The following LAPTM4A variants were observed in gnomAD, a reference collection of about 807,000 sequenced individuals.
LAPTM4A encodes lysosomal protein transmembrane 4 alpha, also known as lysosomal-associated transmembrane protein 4A.
A neutral mutation model predicts 29.9 loss-of-function variants in LAPTM4A; 19 were observed. The observed-to-expected ratio is 0.64, with a 90% CI of 0.44 to 0.93. The LOEUF (loss-of-function observed/expected upper bound fraction) is 0.93. LAPTM4A is among the 40% of genes least tolerant of loss of function. The pLI is 0.00. For missense variants in LAPTM4A, 293 were observed against 288.5 expected, an observed-to-expected ratio of 1.02 and a Z score of -0.11; for synonymous variants, 105 against 102.1, an observed-to-expected ratio of 1.03 and a Z score of -0.17.
At chr2:20,034,657 T>C (rs181018706) in intron 5 of LAPTM4A, among the ~76,000 whole-genome samples, 1 of 152,318 alleles carries the variant, frequency 6.6e-6, no homozygotes, top group South Asian at 2.1e-4. Flanking sequence ...CAACCCACTG[T>C]GCTGCAGAAG....
chr2:20,043,962 C>T (rs1673860031), intron 1 of LAPTM4A, among the ~76,000 whole-genome samples: 1 of 152,200 alleles, frequency 6.6e-6, no homozygotes, highest in Admixed American at 6.5e-5. Flanking sequence ...CCAGTAACTC[C>T]TATTTTAAGG....
rs1673590234 is a variant in LAPTM4A, at chr2:20,032,768, C to T, written c.*437G>A. 2 of 158,652 alleles carry T rather than the reference C, an allele frequency of 1.3e-5. No homozygotes were observed. The highest frequency in any genetic ancestry group is 3.7e-4 in the South Asian group (2 of 5,458). 9.8% of individuals were successfully genotyped at this position (158,652 alleles called of 1,614,324 possible). Reference sequence around the variant, plus strand: ...TCACAATGTCAAATATTTTTCTTGCCTCTGCAGATGAAAAGTTCAGATCTT... The same window carrying T: ...TCACAATGTCAAATATTTTTCTTGCTTCTGCAGATGAAAAGTTCAGATCTT... On this transcript the variant is annotated 3_prime_UTR_variant, in exon 7 of 7. Transcript: ENST00000175091.
chr2:20,034,880 T>C, intron 5 of LAPTM4A, 87 bp downstream of exon 5: 2 of 911,056 alleles, frequency 2.2e-6, no homozygotes, highest in Admixed American at 2.0e-5. Flanking sequence ...CTCAATCTCC[T>C]GTGACTTGTA....
chr2:20,033,110 T>C lies in LAPTM4A; in HGVS notation c.*95A>G. On this transcript the variant is annotated 3_prime_UTR_variant, in exon 7 of 7. Coordinates refer to ENST00000175091, the MANE Select transcript of LAPTM4A (RefSeq NM_014713.5). ...CTTAAACAAAAGACAACATATTTTA[T>C]ATCAAACAAGTTTGAAGAGCCCTGA... 1 of 992,410 alleles carries C rather than the reference T, an allele frequency of 1.0e-6. No homozygotes were observed. 61.5% of individuals were successfully genotyped at this position (992,410 alleles called of 1,614,324 possible). A position where few individuals can be genotyped will look rare whatever the true frequency, so the allele number is the denominator to read the frequency against.
intron 1 of LAPTM4A, among the ~76,000 whole-genome samples, chr2:20,046,731 C>T: frequency 7.6e-6 from 1 of 130,952 alleles, no homozygotes; most frequent in South Asian, 2.8e-4. Flanking sequence ...TATTATATAT[C>T]TATATATAAA....
chr2:20,043,885 C>T lies in LAPTM4A; in HGVS notation c.112-2874G>A, dbSNP rs894576516. Among the ~76,000 whole-genome samples, 3 of 152,238 alleles carry T rather than the reference C, an allele frequency of 2.0e-5. No homozygotes were observed. The South Asian group carries it at 6.2e-4, about 31-fold the overall frequency. On this transcript the variant is annotated intron_variant, in intron 1 of 6. Transcript: ENST00000175091. ...TTGCTGAGCTGACAGATGGGAGAAT[C>T]AGGACACAAGTCTGGTTTTTAAGAC...
intron 1 of LAPTM4A, among the ~76,000 whole-genome samples, chr2:20,049,867 G>C (rs1230523844): frequency 6.6e-6 from 1 of 152,162 alleles, no homozygotes; most frequent in Non-Finnish European, 1.5e-5. Context: ...CTCAAGGTTT[G>C]AATTATTCAT....
At chr2:20,046,090 A>G (rs187506376) in intron 1 of LAPTM4A, among the ~76,000 whole-genome samples, 1 of 152,324 alleles carries the variant, frequency 6.6e-6, no homozygotes, top group East Asian at 1.9e-4. Context: ...AACTATTACA[A>G]GGACAGAAAA....
chr2:20,048,132 T>G (rs1673975211), intron 1 of LAPTM4A, among the ~76,000 whole-genome samples: 1 of 152,186 alleles, frequency 6.6e-6, no homozygotes, highest in African/African-American at 2.4e-5. Flanking sequence ...GAGATAAAAT[T>G]ATTACAAATG....
At chr2:20,047,869 G>T (rs1040821674) in intron 1 of LAPTM4A, among the ~76,000 whole-genome samples, 11 of 152,108 alleles carry the variant, frequency 7.2e-5, no homozygotes, top group African/African-American at 2.4e-4. Flanking sequence ...AAAATTTTTA[G>T]AAAGTGACTT....
At chr2:20,039,792 G>A (rs1383964739) in intron 2 of LAPTM4A, among the ~76,000 whole-genome samples, 5 of 152,158 alleles carry the variant, frequency 3.3e-5, no homozygotes, top group East Asian at 1.9e-4. Context: ...GCTGTGGCAC[G>A]CCTGTAATCC....
chr2:20,035,500 C>T (rs1331768281), intron 4 of LAPTM4A, among the ~76,000 whole-genome samples: 3 of 152,160 alleles, frequency 2.0e-5, no homozygotes, highest in Admixed American at 6.5e-5. Context: ...AAATGTCAAT[C>T]GTTTGTCTCA....
At chr2:20,050,091 T>C (rs1674020739) in intron 1 of LAPTM4A, among the ~76,000 whole-genome samples, 1 of 152,174 alleles carries the variant, frequency 6.6e-6, no homozygotes, top group Non-Finnish European at 1.5e-5. Context: ...TATTTCCGAA[T>C]ATAAAAGTAC....
chr2:20,046,771 AAT>A (rs1361968225), intron 1 of LAPTM4A, among the ~76,000 whole-genome samples: 2 of 145,314 alleles, frequency 1.4e-5, no homozygotes, highest in African/African-American at 5.0e-5. Context: ...TATATAATAT[AAT>A]ATATAAATAT....
At chr2:20,047,626 C>T (rs1302526077) in intron 1 of LAPTM4A, among the ~76,000 whole-genome samples, 3 of 146,884 alleles carry the variant, frequency 2.0e-5, no homozygotes, top group Non-Finnish European at 3.0e-5. Context: ...GGAAGCGGAG[C>T]TTGCAGTGAG....
chr2:20,037,142 T>C (rs1673694048), intron 4 of LAPTM4A, among the ~76,000 whole-genome samples, 174 bp downstream of exon 4: 1 of 152,236 alleles, frequency 6.6e-6, no homozygotes, highest in Non-Finnish European at 1.5e-5. Context: ...ATTACTCTAC[T>C]TTCATCTTGC....
chr2:20,039,450 C>A (rs1018191638), intron 2 of LAPTM4A, among the ~76,000 whole-genome samples: 3 of 152,180 alleles, frequency 2.0e-5, no homozygotes, highest in African/African-American at 7.2e-5. Context: ...TTCAAATAAT[C>A]GGCTTTCAAG....
chr2:20,049,949 G>A (rs1242609437), intron 1 of LAPTM4A, among the ~76,000 whole-genome samples: 1 of 152,136 alleles, frequency 6.6e-6, no homozygotes, highest in East Asian at 1.9e-4. Context: ...AAATGGAGAA[G>A]CTATAAAAGG....
chr2:20,038,953 G>A lies in LAPTM4A; in HGVS notation c.233-1339C>T, dbSNP rs548984365. Among the ~76,000 whole-genome samples, 67 of 151,216 alleles carry A rather than the reference G, an allele frequency of 4.4e-4. No homozygotes were observed. The Middle Eastern group carries it at 0.01, about 24-fold the overall frequency. On this transcript the variant is annotated intron_variant, in intron 2 of 6. Transcript: ENST00000175091. ...TTTTTTTCTTTGAGACAATCTCACT[G>A]TCACCCAGGCTGGAGTGCAGTGGCA...
Sources: gnomAD v4.1 joint callset for allele counts (sites outside exome capture counted in the v4.1 genomes callset) on GRCh38, gnomAD v4.1.1 for gene constraint, MANE v1.5 for transcripts, NCBI Gene and HGNC (gene_info 2026-07-23, HGNC 2026-07-21) for gene names.